MTERF4: variants seen among roughly 807,000 people sequenced by gnomAD.
The protein encoded by MTERF4 is transcription termination factor 4, mitochondrial.
A neutral mutation model predicts 22.5 loss-of-function variants in MTERF4; 17 were observed. The ratio of observed to expected loss-of-function variants is 0.75; its 90% CI spans 0.52 to 1.13. The LOEUF (loss-of-function observed/expected upper bound fraction) is 1.13, where lower values mean the gene tolerates loss of function less well. MTERF4 is among the 50% of genes most tolerant of loss of function. The pLI is 0.00. For missense variants in MTERF4, 420 were observed against 466.8 expected, an observed-to-expected ratio of 0.90 and a Z score of 0.92; for synonymous variants, 165 against 175.3, an observed-to-expected ratio of 0.94 and a Z score of 0.47.
downstream of MTERF4, chr2:241,069,952 C>T: frequency 6.2e-7 from 1 of 1,612,906 alleles, no homozygotes; most frequent in Non-Finnish European, 8.5e-7. The surrounding 1 kb of genome is among the most constrained non-coding windows in gnomAD (Gnocchi z 4.9). Context: ...GACCGCCGCC[C>T]GAGTCACTGC....
chr2:241,047,146 CAAAA>C, the MTERF4 span, among the ~76,000 whole-genome samples: 402 of 68,160 alleles, frequency 5.9e-3, 12 homozygotes, highest in Non-Finnish European at 5.3e-3. Flanking sequence ...GAGACTCTGT[CAAAA>C]AAAAAAAAAA....
At chr2:241,100,783 A>G (rs761717576) in intron 1 of MTERF4, among the ~76,000 whole-genome samples, 18 of 152,186 alleles carry the variant, frequency 1.2e-4, no homozygotes, top group Non-Finnish European at 2.5e-4. Context: ...TCCAGTCATG[A>G]GTAGGCTATT....
At chr2:241,044,780 TC>T in the MTERF4 span, among the ~76,000 whole-genome samples, 1 of 152,192 alleles carries the variant, frequency 6.6e-6, no homozygotes, top group African/African-American at 2.4e-5. Context: ...GTATTGTTTT[TC>T]CCTTTCCTGT....
At chr2:241,081,574 G>C in intron 4 of MTERF4, 2 of 845,796 alleles carry the variant, frequency 2.4e-6, no homozygotes, top group Non-Finnish European at 3.8e-6. Flanking sequence ...AGGAGTGCAC[G>C]GCCACCCTGC....
chr2:241,044,313 T>C, the MTERF4 span, among the ~76,000 whole-genome samples: 1 of 152,100 alleles, frequency 6.6e-6, no homozygotes, highest in East Asian at 1.9e-4. Context: ...AAGAACCCAC[T>C]CTAAGTATAA....
At chr2:241,077,467 A>G (rs1369623189) in intron 4 of MTERF4, among the ~76,000 whole-genome samples, 1 of 152,200 alleles carries the variant, frequency 6.6e-6, no homozygotes, top group Non-Finnish European at 1.5e-5. Context: ...GGATGCCATC[A>G]AGGAAGTGAC....
chr2:241,055,977 A>G, the MTERF4 span, among the ~76,000 whole-genome samples: 1 of 152,240 alleles, frequency 6.6e-6, no homozygotes, highest in Non-Finnish European at 1.5e-5. Flanking sequence ...AGAATACAGT[A>G]TGTTCATCCT....
rs529598198 is a variant in MTERF4 at position 241,078,256 on chromosome 2, G to A, written n.480-2574C>T. Among the ~76,000 whole-genome samples the A allele has an allele frequency of 3.3e-3, 494 of 151,654 alleles. 4 individuals are homozygous for A. Among genetic ancestry groups the A allele is most frequent in the Non-Finnish European group, 3.9e-3 (265 of 67,972 alleles). ...AAATTAGCTGGGCGTGGTGGCGGGC[G>A]CCTGTAGTCCCAGCTCCTCAGGAGG... On this transcript the variant is annotated intron_variant and non_coding_transcript_variant, in intron 4 of 4. Coordinates refer to the MTERF4 transcript ENST00000464344.
At chr2:241,064,466 G>C in the MTERF4 span, among the ~76,000 whole-genome samples, 4 of 152,162 alleles carry the variant, frequency 2.6e-5, no homozygotes, top group Non-Finnish European at 5.9e-5. This position sits in a 1 kb window ranked among gnomAD's most constrained non-coding sequence, Gnocchi z 7.0. Flanking sequence ...TCTGGCCCCT[G>C]GCTGTCCTTC....
chr2:241,081,809 G>C, intron 4 of MTERF4: 2 of 1,537,556 alleles, frequency 1.3e-6, no homozygotes, highest in Non-Finnish European at 1.8e-6. Flanking sequence ...TCGGGGCTTG[G>C]CCTCAGGGCG....
At chr2:241,049,037 C>A in the MTERF4 span, 11 of 1,612,816 alleles carry the variant, frequency 6.8e-6, no homozygotes, top group African/African-American at 6.7e-5. Context: ...ACAGCCATGC[C>A]CTGCAACATG....
chr2:241,087,417 C>A, downstream of MTERF4: 1 of 1,603,498 alleles, frequency 6.2e-7, no homozygotes, highest in South Asian at 1.1e-5. Context: ...CCGAGTTCAC[C>A]AAGACATCTG....
At chr2:241,052,258 G>A in the MTERF4 span, 17 of 1,431,508 alleles carry the variant, frequency 1.2e-5, no homozygotes, top group South Asian at 2.4e-5. Flanking sequence ...CCCTGGAGGC[G>A]CAGGAGGTGG....
chr2:241,064,791 GC>G, the MTERF4 span: 2 of 1,332,808 alleles, frequency 1.5e-6, no homozygotes, highest in Non-Finnish European at 2.0e-6. This position sits in a 1 kb window ranked among gnomAD's most constrained non-coding sequence, Gnocchi z 7.0. Flanking sequence ...CGGGGCTGGA[GC>G]AGGGACCCCT....
chr2:241,072,067 C>CA, downstream of MTERF4: 1 of 704,860 alleles, frequency 1.4e-6, no homozygotes. Context: ...ACCTCCATGG[C>CA]AGGAGGGGCA....
At chr2:241,068,068 C>T, downstream of MTERF4, 1 of 947,196 alleles carries the variant, frequency 1.1e-6, no homozygotes, top group African/African-American at 1.6e-5. The surrounding 1 kb of genome is among the most constrained non-coding windows in gnomAD (Gnocchi z 5.3). Context: ...CCGCTCCTCA[C>T]CTGAGCGGAG....
downstream of MTERF4, among the ~76,000 whole-genome samples, chr2:241,068,434 C>T (rs2062556074): frequency 6.6e-6 from 1 of 151,918 alleles, no homozygotes. The surrounding 1 kb of genome is among the most constrained non-coding windows in gnomAD (Gnocchi z 5.3). Context: ...GAGAAAGCTT[C>T]CGAATCGTGC....
chr2:241,068,590 G>T (rs1450466486), downstream of MTERF4, among the ~76,000 whole-genome samples: 1 of 152,036 alleles, frequency 6.6e-6, no homozygotes, highest in Non-Finnish European at 1.5e-5. The surrounding 1 kb of genome is among the most constrained non-coding windows in gnomAD (Gnocchi z 5.3). Context: ...TGTGCTGAGG[G>T]CCCGTCCCCC....
intron 1 of MTERF4, among the ~76,000 whole-genome samples, chr2:241,100,708 G>A (rs1278295149): frequency 6.6e-6 from 1 of 151,422 alleles, no homozygotes; most frequent in Admixed American, 6.6e-5. Context: ...CTTACTTTAA[G>A]AATACAGAAT....
Sources: allele counts gnomAD v4.1 joint callset (sites outside exome capture counted in the v4.1 genomes callset), GRCh38; gene constraint gnomAD v4.1.1; non-coding constraint Gnocchi (gnomAD v3.1); transcripts MANE v1.5; gene names NCBI Gene and HGNC (gene_info 2026-07-23, HGNC 2026-07-21).